Variants in MACF1 observed in about 807,000 individuals in gnomAD.
The protein encoded by MACF1 is microtubule actin crosslinking factor 1.
Under a neutral mutation model 854.8 loss-of-function variants are expected in MACF1, and 193 were observed. The observed-to-expected ratio is 0.23, with a 90% CI of 0.20 to 0.25. The LOEUF is 0.25. Ranked by LOEUF, MACF1 falls within the 10% of genes least tolerant of loss-of-function variation. The pLI, the probability that MACF1 is intolerant of heterozygous loss-of-function variation, is 1.00. For missense variants in MACF1, 7,722 were observed against 8,929.1 expected (o/e 0.86, Z 5.45); for synonymous variants, 3,185 against 3,226.7 (o/e 0.99, Z 0.44).
chr1:39,440,018 C>T (rs1473375019), intron 72 of MACF1, among the ~76,000 whole-genome samples: 3 of 151,670 alleles, frequency 2.0e-5, no homozygotes, highest in African/African-American at 7.3e-5. Context: ...ATTTTGGACT[C>T]ATTATCTAGA....
chr1:39,255,302 A>C (rs528781524), intron 5 of MACF1, among the ~76,000 whole-genome samples: 5 of 152,294 alleles, frequency 3.3e-5, no homozygotes, highest in African/African-American at 1.2e-4. Flanking sequence ...AAGAAAAGAA[A>C]AATACCTCTT....
chr1:39,390,924 G>A (rs905434160), intron 58 of MACF1, among the ~76,000 whole-genome samples: 8 of 151,990 alleles, frequency 5.3e-5, no homozygotes, highest in East Asian at 1.9e-4. Flanking sequence ...TGGCTAACAC[G>A]GTGAAACCCT....
intron 2 of MACF1, among the ~76,000 whole-genome samples, chr1:39,197,781 G>A (rs1251430536): frequency 2.0e-5 from 3 of 152,144 alleles, no homozygotes; most frequent in African/African-American, 7.2e-5. Flanking sequence ...AGCTCCTCAG[G>A]AGGCTAAACC....
At chr1:39,372,769 C>A in intron 52 of MACF1, 173 bp downstream of exon 52, 1 of 550,220 alleles carries the variant, frequency 1.8e-6, no homozygotes. Flanking sequence ...TGCTATATAA[C>A]ATTGCTCCAT....
At chr1:39,176,514 TTTGATTC>T (rs1571137829) in intron 2 of MACF1, among the ~76,000 whole-genome samples, 1 of 152,176 alleles carries the variant, frequency 6.6e-6, no homozygotes, top group East Asian at 1.9e-4. Flanking sequence ...TCCTCTAACT[TTTGATTC>T]TTATACCTTG....
chr1:39,331,534 T>C lies in MACF1; in HGVS notation c.4946T>C (p.Leu1649Pro). 6.2e-7 allele frequency: 1 copy of C among 1,614,190 alleles called. No homozygotes were observed. The highest frequency in any genetic ancestry group is 8.5e-7 in the Non-Finnish European group (1 of 1,180,032). Residue 1649 changes from leucine to proline, a missense_variant, in exon 37 of 101, where the codon CTG becomes CCG. Physicochemically the swap from Leu to Pro is moderately conservative, Grantham distance 98. Transcript: ENST00000564288. The stretch of plus-strand genomic sequence containing the variant: ...AGAATAATCAGTGAGACAGTTGGAC[T>C]GAAAATCTTAGAAGCTCACCTGGCA... ...EKRIISETVGLKILEAHLATG... is the reference protein window; with the variant it reads ...EKRIISETVGPKILEAHLATG...
chr1:39,227,024 C>G (rs1475847557), intron 1 of MACF1, among the ~76,000 whole-genome samples: 1 of 152,138 alleles, frequency 6.6e-6, no homozygotes, highest in Non-Finnish European at 1.5e-5. Context: ...GCCTTCTTAT[C>G]TCAGCACACA....
chr1:39,417,474 A>T (rs2148627387), intron 58 of MACF1, among the ~76,000 whole-genome samples: 1 of 152,290 alleles, frequency 6.6e-6, no homozygotes, highest in Non-Finnish European at 1.5e-5. Context: ...TGATCGGCAG[A>T]ATCTTCATTG....
At chr1:39,164,867 C>A (rs2148213456) in intron 2 of MACF1, among the ~76,000 whole-genome samples, 1 of 152,332 alleles carries the variant, frequency 6.6e-6, no homozygotes, top group South Asian at 2.1e-4. Context: ...TCTGGAAGAA[C>A]TAGAACTGGT....
intron 26 of MACF1, among the ~76,000 whole-genome samples, chr1:39,311,947 T>TGA (rs1399377859): frequency 1.3e-5 from 2 of 151,568 alleles, no homozygotes; most frequent in Admixed American, 1.3e-4. Context: ...AAGAGAAGAG[T>TGA]GAGAGGGAAG....
At chr1:39,211,305 G>A (rs1644512982) in intron 1 of MACF1, among the ~76,000 whole-genome samples, 1 of 151,942 alleles carries the variant, frequency 6.6e-6, no homozygotes, top group Non-Finnish European at 1.5e-5. Context: ...CATGTGGTAA[G>A]GAATATGTGA....
At position 39,316,422 on chromosome 1, in the gene MACF1, A is replaced by T. The variant is rs749398419; in HGVS notation, c.3481A>T (p.Ile1161Leu). ...GACAGTTGATGTTATAGTACGTAGC[A>T]TACAGGATGCTGAACTCTTGGTCAA... ...LKTVDVIVRS[I>L]QDAELLVKGY... Residue 1161 changes from isoleucine (I) to leucine (L), a missense_variant, in exon 28 of 101, where the codon ATA becomes TTA. By Grantham distance (5) the Ile-to-Leu change is conservative (BLOSUM62 2). This residue lies in a region of MACF1 where 1,137 missense variants were observed against 1,263.0 expected (regional missense o/e 0.90). Coordinates refer to ENST00000564288, the MANE Select transcript of MACF1 (RefSeq NM_001394062.1). The T allele has an allele frequency of 5.0e-6, 8 of 1,613,820 alleles. No homozygotes were observed. The highest frequency in any genetic ancestry group is 6.8e-6 in the Non-Finnish European group (8 of 1,179,870).
chr1:39,177,075 C>T lies in MACF1; in HGVS notation c.221-54107C>T, dbSNP rs16825884. The stretch of plus-strand genomic sequence containing the variant: ...AGATAGTCTAGAGATCTTAGAGCTA[C>T]GTTGGGGCCTAAGGACTGAGAATCG... On this transcript the variant is annotated intron_variant, in intron 2 of 93. Coordinates refer to the MACF1 transcript ENST00000361689. Among the ~76,000 whole-genome samples the T allele has an allele frequency of 9.3e-3, 1,423 of 152,234 alleles. 27 individuals carry two copies. The highest frequency in any genetic ancestry group is 0.032 in the African/African-American group (1,349 of 41,526).
At chr1:39,131,129 G>A (rs1319761269) in intron 2 of MACF1, among the ~76,000 whole-genome samples, 1 of 146,568 alleles carries the variant, frequency 6.8e-6, no homozygotes, top group East Asian at 2.0e-4. Context: ...TGGGATTACA[G>A]GTGTGAGCCA....
rs1272343193 is a variant in MACF1, at chr1:39,105,353, C to G, written c.220+20915C>G. On this transcript the variant is annotated intron_variant, in intron 2 of 93. Transcript: ENST00000361689. This position sits in a 1 kb window ranked among gnomAD's most constrained non-coding sequence, Gnocchi z 5.9. Reference sequence around the variant, plus strand: ...GCCGCCGCCCGCCGCTGCAGCCGCGCCGGGGCGGGCTGAGGGAGGAGCGGA... The same window carrying G: ...GCCGCCGCCCGCCGCTGCAGCCGCGGCGGGGCGGGCTGAGGGAGGAGCGGA... The G allele has an allele frequency of 1.0e-6, 1 of 964,724 alleles. No individual in the cohort carries two copies. Among genetic ancestry groups the G allele is most frequent in the African/African-American group, 1.8e-5 (1 of 56,790 alleles). 59.8% of individuals were successfully genotyped at this position (964,724 alleles called of 1,614,324 possible).
At chr1:39,354,735 A>T (rs1262279852) in intron 44 of MACF1, among the ~76,000 whole-genome samples, 1 of 152,072 alleles carries the variant, frequency 6.6e-6, no homozygotes, top group African/African-American at 2.4e-5. Flanking sequence ...TTCTCATTCG[A>T]TATTGTTTTG....
intron 23 of MACF1, among the ~76,000 whole-genome samples, chr1:39,303,457 A>G (rs1646092464): frequency 6.6e-6 from 1 of 152,064 alleles, no homozygotes; most frequent in African/African-American, 2.4e-5. Flanking sequence ...AGGCTTAGGC[A>G]TGAGAATTGC....
intron 18 of MACF1, 113 bp from the exon 19 acceptor site, chr1:39,294,933 C>G: frequency 2.8e-6 from 2 of 711,554 alleles, no homozygotes; most frequent in Non-Finnish European, 4.8e-6. Context: ...TCTCATTTTG[C>G]CACCAATTCT....
rs1445388272 is a variant in MACF1 at position 39,388,674 on chromosome 1, GTTTTTC to G, written c.15816+27_15816+32del. On this transcript the variant is annotated intron_variant, in intron 58 of 100. Coordinates refer to ENST00000564288, the MANE Select transcript of MACF1 (RefSeq NM_001394062.1). ...AGATTTTAAAGTAAGTCTGAACCTT[GTTTTTC>G]TTTTTCTTTTACATGTATTTATTTG... 6.6e-7 allele frequency: 1 copy of G among 1,521,658 alleles called. No individual in the cohort carries two copies. Among genetic ancestry groups the G allele is most frequent in the Non-Finnish European group, 8.8e-7 (1 of 1,140,742 alleles). The allele number at this position is 1,521,658 out of a possible 1,614,324, so 94.3% of individuals were successfully genotyped here. A position where few individuals can be genotyped will look rare whatever the true frequency, so the allele number is the denominator to read the frequency against.
Sources: allele counts gnomAD v4.1 joint callset (sites outside exome capture counted in the v4.1 genomes callset), GRCh38; gene constraint gnomAD v4.1.1; regional missense constraint gnomAD v4.1.1; non-coding constraint Gnocchi (gnomAD v3.1); transcripts MANE v1.5; gene names NCBI Gene and HGNC (gene_info 2026-07-23, HGNC 2026-07-21).